The following KCNQ1 variants were observed in gnomAD, a reference collection of about 807,000 sequenced individuals.
The protein encoded by KCNQ1 is potassium voltage-gated channel subfamily KQT member 1.
A neutral mutation model predicts 72.4 loss-of-function variants in KCNQ1; 49 were observed. The ratio of observed to expected loss-of-function variants is 0.68; its 90% CI spans 0.54 to 0.86. The LOEUF is 0.86. Ranked by LOEUF, KCNQ1 falls within the 40% of genes least tolerant of loss-of-function variation. KCNQ1 has a pLI of 0.00. For synonymous variants in KCNQ1, 450 were observed against 412.6 expected (o/e 1.09, Z -1.10); for missense variants, 790 against 945.1 (o/e 0.84, Z 2.15).
chr11:2,693,931 C>T (rs1001596229), intron 11 of KCNQ1: 15 of 398,704 alleles, frequency 3.8e-5, no homozygotes, highest in Admixed American at 8.8e-5. Flanking sequence ...ATCCGGTATC[C>T]GCTGAGAACC....
In KCNQ1 at chr11:2,446,952, G is replaced by T. The variant is rs1846047901; in HGVS notation, c.386+1468G>T. 6.6e-6 allele frequency among the ~76,000 whole-genome samples: 1 copy of T among 152,232 alleles called. No homozygotes were observed. Among genetic ancestry groups the T allele is most frequent in the Admixed American group, 6.5e-5 (1 of 15,294 alleles). ...TGTCTAGCAGATGCCAGGTTCACAG[G>T]TGCTGTGTGCTGGTGGCCACCTGCC... On this transcript the variant is annotated intron_variant, in intron 1 of 15. Coordinates refer to ENST00000155840, the MANE Select transcript of KCNQ1 (RefSeq NM_000218.3). This position sits in a 1 kb window ranked among gnomAD's most constrained non-coding sequence, Gnocchi z 8.8.
chr11:2,717,762 TAGAG>T (rs563533004), intron 11 of KCNQ1, among the ~76,000 whole-genome samples: 157 of 152,260 alleles, frequency 1.0e-3, no homozygotes, highest in African/African-American at 3.5e-3. Context: ...GAGCCTGAGA[TAGAG>T]AGCGGGTAGA....
intron 11 of KCNQ1, among the ~76,000 whole-genome samples, chr11:2,749,957 CT>C (rs1170061441): frequency 1.8e-5 from 1 of 55,302 alleles, no homozygotes; most frequent in African/African-American, 1.0e-4. Context: ...GAGACTCTGT[CT>C]CCAAAAAAAA....
intron 10 of KCNQ1, chr11:2,628,381 T>C (rs1002957963): frequency 2.5e-6 from 1 of 398,408 alleles, no homozygotes; most frequent in Non-Finnish European, 4.4e-6. Flanking sequence ...ATTTCCCTGA[T>C]GATAAGTGAT....
intron 11 of KCNQ1, among the ~76,000 whole-genome samples, chr11:2,765,544 G>A (rs1439000565): frequency 6.6e-6 from 1 of 152,196 alleles, no homozygotes; most frequent in East Asian, 1.9e-4. Context: ...ACTTGACAAA[G>A]CTTTGACTGC....
rs1031458066 is a variant in KCNQ1 at position 2,475,294 on chromosome 11, G to A, written c.386+29810G>A. 6.6e-6 allele frequency among the ~76,000 whole-genome samples: 1 copy of A among 152,116 alleles called. No individual in the cohort carries two copies. Among genetic ancestry groups the A allele is most frequent in the African/African-American group, 2.4e-5 (1 of 41,418 alleles). On this transcript the variant is annotated intron_variant, in intron 1 of 15. Coordinates refer to ENST00000155840, the MANE Select transcript of KCNQ1 (RefSeq NM_000218.3). This position sits in a 1 kb window ranked among gnomAD's most constrained non-coding sequence, Gnocchi z 5.8. ...GAGCGTCCTGTCTTCACTGTCCGCC[G>A]TGTTATAACACGCAAGGGAATTCCC... is the stretch of plus-strand genomic sequence containing the variant.
chr11:2,699,219 C>G, intron 11 of KCNQ1: 1 of 398,792 alleles, frequency 2.5e-6, no homozygotes, highest in Non-Finnish European at 4.4e-6. Context: ...GAACTCGGAC[C>G]TCGACCCTGG....
At chr11:2,461,464 T>C (rs773867950) in intron 1 of KCNQ1, 6 of 1,287,838 alleles carry the variant, frequency 4.7e-6, no homozygotes, top group East Asian at 5.6e-5. Flanking sequence ...GCAGCTTCCA[T>C]GGCCTGGGGC....
intron 11 of KCNQ1, 98 bp downstream of exon 11, chr11:2,662,179 G>A: frequency 1.9e-6 from 3 of 1,539,064 alleles, no homozygotes; most frequent in Non-Finnish European, 2.7e-6. Flanking sequence ...TGGCCAGAGT[G>A]CTATCTACTC....
intron 10 of KCNQ1, chr11:2,646,703 A>G: frequency 2.5e-6 from 1 of 398,498 alleles, no homozygotes; most frequent in Non-Finnish European, 4.4e-6. Flanking sequence ...TTTTGTACTG[A>G]TGAGGTTTTG....
intron 15 of KCNQ1, among the ~76,000 whole-genome samples, chr11:2,805,679 A>G (rs541420816): frequency 1.3e-5 from 2 of 152,308 alleles, no homozygotes; most frequent in Admixed American, 1.3e-4. Context: ...CCCTTTAGAG[A>G]AAAGCGTGCT....
intron 2 of KCNQ1, among the ~76,000 whole-genome samples, chr11:2,555,848 C>G (rs1488331851): frequency 6.6e-6 from 1 of 152,206 alleles, no homozygotes; most frequent in African/African-American, 2.4e-5. Flanking sequence ...TGATAGACCT[C>G]TTGGAGAGAC....
chr11:2,832,094 C>G (rs532356237), intron 15 of KCNQ1, among the ~76,000 whole-genome samples: 1 of 152,234 alleles, frequency 6.6e-6, no homozygotes, highest in African/African-American at 2.4e-5. Context: ...CTAGACTACC[C>G]CCAGCCTTCC....
At position 2,491,924 on chromosome 11, in the gene KCNQ1, G is replaced by A. The variant is rs1846841135; in HGVS notation, c.387-36004G>A. Reference sequence around the variant, plus strand: ...GAAGAGAGTGGCAGGACATATTTAAGGTGCTGAAGGAAAAAAAAGAAAAAA... The same window carrying A: ...GAAGAGAGTGGCAGGACATATTTAAAGTGCTGAAGGAAAAAAAAGAAAAAA... On this transcript the variant is annotated intron_variant, in intron 1 of 15. Transcript: ENST00000155840. The surrounding 1 kb of genome is among the most constrained non-coding windows in gnomAD (Gnocchi z 4.1). 1.3e-5 allele frequency among the ~76,000 whole-genome samples: 2 copies of A among 152,074 alleles called. No individual in the cohort carries two copies.
intron 11 of KCNQ1, among the ~76,000 whole-genome samples, chr11:2,721,304 TCTGCTCG>T (rs1160888121): frequency 6.6e-6 from 1 of 152,226 alleles, no homozygotes; most frequent in African/African-American, 2.4e-5. Flanking sequence ...CCCGCAGGGG[TCTGCTCG>T]TGAGGGACCC....
At chr11:2,840,526 AG>A (rs1848186568) in intron 15 of KCNQ1, 1 of 149,844 alleles carries the variant, frequency 6.7e-6, no homozygotes, top group Non-Finnish European at 1.5e-5. Context: ...AAAAAGTATT[AG>A]GAAAAAAGAT....
rs1846213773 is a variant in KCNQ1 at position 2,750,750 on chromosome 11, G to A, written c.1515-18094G>A. ...GGCTCATAATCTCCTGGGCTGCTGG[G>A]CGAAATGGGATCCCCTGGCTCTTTC... On this transcript the variant is annotated intron_variant, in intron 11 of 15. Coordinates refer to ENST00000155840, the MANE Select transcript of KCNQ1 (RefSeq NM_000218.3). This position sits in a 1 kb window ranked among gnomAD's most constrained non-coding sequence, Gnocchi z 6.3. 6.6e-6 allele frequency among the ~76,000 whole-genome samples: 1 copy of A among 152,182 alleles called. No homozygotes were observed. Among genetic ancestry groups the A allele is most frequent in the Non-Finnish European group, 1.5e-5 (1 of 68,022 alleles).
At chr11:2,530,245 C>T (rs887485614) in intron 2 of KCNQ1, among the ~76,000 whole-genome samples, 1 of 152,232 alleles carries the variant, frequency 6.6e-6, no homozygotes, top group Admixed American at 6.5e-5. Flanking sequence ...CCACCACAGA[C>T]CTGGCTCTCA....
intron 11 of KCNQ1, among the ~76,000 whole-genome samples, chr11:2,728,669 A>G (rs915222480): frequency 1.3e-5 from 2 of 152,194 alleles, no homozygotes; most frequent in Non-Finnish European, 2.9e-5. Context: ...CAGGGTGGCC[A>G]GTTGGGCATG....
Sources: gnomAD v4.1 joint callset for allele counts (sites outside exome capture counted in the v4.1 genomes callset) on GRCh38, gnomAD v4.1.1 for gene constraint, Gnocchi (gnomAD v3.1) non-coding constraint, MANE v1.5 for transcripts, NCBI Gene and HGNC (gene_info 2026-07-23, HGNC 2026-07-21) for gene names.